Variants in BANP observed in about 807,000 individuals in gnomAD.
BANP encodes protein BANP.
Under a neutral mutation model 68.1 loss-of-function variants are expected in BANP, and 11 were observed. That is an observed-to-expected ratio of 0.16 (90% CI 0.10 to 0.27). The LOEUF (loss-of-function observed/expected upper bound fraction) is 0.27. Among genes scored for constraint, BANP ranks in the 10% least tolerant of loss-of-function variants. The pLI is 1.00. For missense variants in BANP, 504 were observed against 722.7 expected (o/e 0.70, Z 3.47); for synonymous variants, 329 against 303.2 (o/e 1.09, Z -0.88).
intron 4 of BANP, among the ~76,000 whole-genome samples, chr16:87,991,187 G>C (rs1473081950): frequency 6.6e-6 from 1 of 152,130 alleles, no homozygotes; most frequent in African/African-American, 2.4e-5. Flanking sequence ...GTATGATACA[G>C]TTTACATACC....
intron 11 of BANP, among the ~76,000 whole-genome samples, chr16:88,049,945 A>G (rs773199248): frequency 7.9e-5 from 12 of 152,192 alleles, no homozygotes; most frequent in Non-Finnish European, 1.5e-4. Flanking sequence ...CAGCATAGGA[A>G]ATGTGTTGTT....
chr16:87,969,532 G>C (rs1256720250), intron 1 of BANP, among the ~76,000 whole-genome samples: 1 of 122,170 alleles, frequency 8.2e-6, no homozygotes, highest in Non-Finnish European at 1.7e-5. Flanking sequence ...CATCGAGATT[G>C]ACTTTTTTTT....
At chr16:88,054,616 AG>A (rs1442959447) in intron 11 of BANP, among the ~76,000 whole-genome samples, 1 of 151,140 alleles carries the variant, frequency 6.6e-6, no homozygotes, top group Non-Finnish European at 1.5e-5. Context: ...AGCACCGTCA[AG>A]GGGTCAAGTG....
At chr16:87,959,164 G>A (rs970324971) in intron 1 of BANP, among the ~76,000 whole-genome samples, 1 of 152,240 alleles carries the variant, frequency 6.6e-6, no homozygotes, top group African/African-American at 2.4e-5. Context: ...TGGGGCGTGG[G>A]ATGTCTCGTG....
Position 88,064,299 on chromosome 16 carries a change from G to C in BANP, c.1312-968G>C, listed in dbSNP as rs529978629. 3.9e-5 allele frequency among the ~76,000 whole-genome samples: 6 copies of C among 152,368 alleles called. No homozygotes were observed. The South Asian group carries it at 1.2e-3, about 32-fold the overall frequency. ...TCCGTGGCAGCGCTCCCAGCACCCT[G>C]TGCGTCCCTTGCACCCTTGCCCTGT... On this transcript the variant is annotated intron_variant, in intron 11 of 13. Coordinates refer to ENST00000682872, the MANE Select transcript of BANP (RefSeq NM_001386991.1). This position sits in a 1 kb window ranked among gnomAD's most constrained non-coding sequence, Gnocchi z 4.5.
chr16:88,061,535 A>G (rs2086790654), intron 11 of BANP, among the ~76,000 whole-genome samples: 1 of 152,214 alleles, frequency 6.6e-6, no homozygotes. Context: ...TAGTATTCCC[A>G]TCAGTGGGTT....
At chr16:88,005,917 G>T (rs1412957700) in intron 5 of BANP, among the ~76,000 whole-genome samples, 173 bp from the exon 6 acceptor site, 1 of 152,156 alleles carries the variant, frequency 6.6e-6, no homozygotes, top group African/African-American at 2.4e-5. Context: ...TCAGCCCCAG[G>T]CCATTTTCTC....
rs116802608 is a variant in BANP, at chr16:87,963,761, A to G, written c.-68-11287A>G. Among the ~76,000 whole-genome samples the G allele has an allele frequency of 5.3e-3, 815 of 152,350 alleles. 5 individuals are homozygous for G. The highest frequency in any genetic ancestry group is 0.019 in the African/African-American group (791 of 41,578). On this transcript the variant is annotated intron_variant, in intron 1 of 13. Coordinates refer to ENST00000682872, the MANE Select transcript of BANP (RefSeq NM_001386991.1). ...GTGTTGAAGGAAGCCCTAGTGTTAA[A>G]TACAGGAAGCCTGGCTTGACTTTTC...
At position 88,065,293 on chromosome 16, in the gene BANP, C is replaced by T. The variant is rs753275873; in HGVS notation, c.1338C>T (p.Cys446=). 2.6e-6 allele frequency: 2 copies of T among 768,562 alleles called. No individual in the cohort carries two copies. Among genetic ancestry groups the T allele is most frequent in the Non-Finnish European group, 4.8e-6 (2 of 417,602 alleles). 47.6% of individuals were successfully genotyped at this position (768,562 alleles called of 1,614,324 possible). A position where few individuals can be genotyped will look rare whatever the true frequency, so the allele number is the denominator to read the frequency against. The change falls in exon 12 of 14, where the codon TGC becomes TGT. Residue 446 remains cysteine (C), a synonymous_variant. Transcript: ENST00000682872. Reference sequence around the variant, plus strand: ...TTCTAGAGGCCACCCGCATCCCCTGCCTCCTGGCCCCATCCGTCTTCAAAG... The same window carrying T: ...TTCTAGAGGCCACCCGCATCCCCTGTCTCCTGGCCCCATCCGTCTTCAAAG... ...GQLLEATRIP[C]LLAPSVFKAS... is the part of the protein sequence containing the mutation.
Position 87,979,983 on chromosome 16 carries a change from A to G in BANP, c.71-1053A>G, listed in dbSNP as rs1436360436. ...AACGATTAATATTAACCCAGAGTCC[A>G]TATTTGTTGCTCAGTGAAGAGGAAG... On this transcript the variant is annotated intron_variant, in intron 2 of 13. Coordinates refer to ENST00000682872, the MANE Select transcript of BANP (RefSeq NM_001386991.1). Among the ~76,000 whole-genome samples the G allele has an allele frequency of 2.6e-5, 4 of 152,146 alleles. No individual in the cohort carries two copies. In the East Asian group the frequency reaches 7.7e-4, roughly 29 times the overall value.
upstream of BANP, among the ~76,000 whole-genome samples, chr16:87,950,253 A>G (rs2056685511): frequency 6.6e-6 from 1 of 152,134 alleles, no homozygotes; most frequent in South Asian, 2.1e-4. Context: ...GCTCATTGCA[A>G]ATAATTGAGG....
chr16:88,051,114 A>G (rs1245525973), intron 11 of BANP, among the ~76,000 whole-genome samples: 1 of 152,188 alleles, frequency 6.6e-6, no homozygotes, highest in Non-Finnish European at 1.5e-5. Flanking sequence ...CAAGCTGTTG[A>G]CCGCAGCACC....
chr16:87,982,629 G>C (rs542156350), intron 3 of BANP: 1 of 152,182 alleles, frequency 6.6e-6, no homozygotes. Context: ...TCTCTCACAC[G>C]CGCCTTCAAC....
intron 1 of BANP, among the ~76,000 whole-genome samples, chr16:87,972,918 G>T (rs1313494462): frequency 6.6e-6 from 1 of 152,022 alleles, no homozygotes; most frequent in African/African-American, 2.4e-5. Flanking sequence ...GCCCCTGTGT[G>T]GTTCTCCTGG....
chr16:88,063,834 T>G (rs968421247), intron 11 of BANP, among the ~76,000 whole-genome samples: 3 of 152,166 alleles, frequency 2.0e-5, no homozygotes, highest in African/African-American at 7.2e-5. Flanking sequence ...AGAATCTAAC[T>G]TTGCAGCTTT....
chr16:88,058,965 T>G (rs1363244277), intron 11 of BANP, among the ~76,000 whole-genome samples: 1 of 152,098 alleles, frequency 6.6e-6, no homozygotes, highest in African/African-American at 2.4e-5. Context: ...GAGCCGCTGC[T>G]CCTGCTTTCG....
intron 11 of BANP, among the ~76,000 whole-genome samples, chr16:88,056,235 T>C (rs1462826241): frequency 6.6e-6 from 1 of 152,250 alleles, no homozygotes; most frequent in Non-Finnish European, 1.5e-5. Context: ...AAGGACTCTC[T>C]GCTTCTTTGC....
chr16:87,970,383 C>T (rs1398662787), intron 1 of BANP, among the ~76,000 whole-genome samples: 1 of 152,004 alleles, frequency 6.6e-6, no homozygotes, highest in East Asian at 1.9e-4. Context: ...GTGTGTTTTT[C>T]TTTTTCTGAT....
chr16:87,965,290 C>T (rs2059826361), intron 1 of BANP, among the ~76,000 whole-genome samples: 1 of 152,012 alleles, frequency 6.6e-6, no homozygotes, highest in Non-Finnish European at 1.5e-5. Flanking sequence ...GAGTGACAGC[C>T]CGATGGGTGG....
Sources: allele counts gnomAD v4.1 joint callset (sites outside exome capture counted in the v4.1 genomes callset), GRCh38; gene constraint gnomAD v4.1.1; non-coding constraint Gnocchi (gnomAD v3.1); transcripts MANE v1.5; gene names NCBI Gene and HGNC (gene_info 2026-07-23, HGNC 2026-07-21).